The following HHIP variants were observed in gnomAD, a reference collection of about 807,000 sequenced individuals.
HHIP encodes the protein hedgehog-interacting protein.
In HHIP, 12 loss-of-function variants were observed where a neutral mutation model predicts 74.0. The observed-to-expected ratio is 0.16, with a 90% CI of 0.10 to 0.26. The LOEUF is 0.26. Ranked by LOEUF, HHIP falls within the 10% of genes least tolerant of loss-of-function variation. The pLI is 1.00. For synonymous variants in HHIP, 309 were observed against 311.6 expected (o/e 0.99, Z 0.09); for missense variants, 788 against 845.0 (o/e 0.93, Z 0.84).
intron 4 of HHIP, among the ~76,000 whole-genome samples, chr4:144,679,192 T>C (rs1311128218): frequency 1.3e-5 from 2 of 152,220 alleles, no homozygotes; most frequent in Non-Finnish European, 1.5e-5. Flanking sequence ...TTGAGAAGTG[T>C]CTGTTCATAT....
At chr4:144,734,918 G>T in intron 12 of HHIP, 29 bp downstream of exon 12, 1 of 1,580,088 alleles carries the variant, frequency 6.3e-7, no homozygotes, top group South Asian at 1.1e-5. Context: ...ACCTGAAAAG[G>T]ACTGGGGATG....
intron 4 of HHIP, among the ~76,000 whole-genome samples, chr4:144,703,589 A>G (rs1730048614): frequency 6.6e-6 from 1 of 152,154 alleles, no homozygotes; most frequent in African/African-American, 2.4e-5. Flanking sequence ...AAATAGAGTG[A>G]AGAGAAGGGA....
At chr4:144,671,876 T>C (rs1844429) in intron 4 of HHIP, among the ~76,000 whole-genome samples, 54,867 of 151,850 alleles carry the variant, frequency 0.36, 11,267 homozygotes, top group South Asian at 0.52. Flanking sequence ...CTCAGCTACT[T>C]GGGAAGCTGA....
chr4:144,683,650 A>G (rs964677200), intron 4 of HHIP, among the ~76,000 whole-genome samples: 6 of 152,194 alleles, frequency 3.9e-5, no homozygotes, highest in Admixed American at 3.9e-4. Flanking sequence ...AGGCTTGACA[A>G]TCTACGGATT....
At chr4:144,709,796 T>G (rs1417776893) in intron 7 of HHIP, among the ~76,000 whole-genome samples, 1 of 152,144 alleles carries the variant, frequency 6.6e-6, no homozygotes, top group Non-Finnish European at 1.5e-5. Context: ...AGGACAGTGA[T>G]AGATGCACAG....
rs201080251 is a variant in HHIP, at chr4:144,708,355, G to A, written c.1301+44G>A. ...CTTCTCACTGGCTTTTAAGCCAGGC[G>A]GGGATCCGAGAACTGGGAAAATATA... On this transcript the variant is annotated intron_variant, in intron 7 of 12. Coordinates refer to ENST00000296575, the MANE Select transcript of HHIP (RefSeq NM_022475.3). 168 of 1,603,944 alleles carry A rather than the reference G, an allele frequency of 1.0e-4. 1 individual carries two copies. Among genetic ancestry groups the A allele is most frequent in the South Asian group, 9.2e-4 (84 of 90,870 alleles).
intron 4 of HHIP, among the ~76,000 whole-genome samples, chr4:144,675,245 A>C (rs1281786882): frequency 6.6e-6 from 1 of 152,190 alleles, no homozygotes; most frequent in Admixed American, 6.5e-5. Flanking sequence ...TAATTTTGCT[A>C]ATTTGAACTT....
chr4:144,694,159 T>C (rs1315966233), intron 4 of HHIP, among the ~76,000 whole-genome samples: 3 of 151,954 alleles, frequency 2.0e-5, no homozygotes, highest in Non-Finnish European at 4.4e-5. Flanking sequence ...TTAATTGACA[T>C]ATAAATCATG....
chr4:144,697,753 T>C (rs1729860606), intron 4 of HHIP, among the ~76,000 whole-genome samples: 1 of 152,076 alleles, frequency 6.6e-6, no homozygotes, highest in Non-Finnish European at 1.5e-5. Context: ...TAGTTATAAG[T>C]ATATAACTGA....
intron 11 of HHIP, among the ~76,000 whole-genome samples, chr4:144,731,019 C>T (rs1040905638): frequency 7.2e-5 from 11 of 152,128 alleles, no homozygotes; most frequent in African/African-American, 2.7e-4. Flanking sequence ...TAATTATTAT[C>T]AAAATGCATC....
At chr4:144,688,837 T>G (rs1381614808) in intron 4 of HHIP, among the ~76,000 whole-genome samples, 1 of 152,152 alleles carries the variant, frequency 6.6e-6, no homozygotes, top group African/African-American at 2.4e-5. Flanking sequence ...TGTGTCTGGA[T>G]GAAGGCCATA....
At position 144,672,577 on chromosome 4, in the gene HHIP, C is replaced by T. The variant is rs1048527422; in HGVS notation, c.831+12739C>T. On this transcript the variant is annotated intron_variant, in intron 4 of 12. Transcript: ENST00000296575. ...TTGGTGGGAGCATGAAGTATACAGG[C>T]TCTGCTAAGGTCTTTGGCTTCTATA... 4.6e-5 allele frequency among the ~76,000 whole-genome samples: 7 copies of T among 152,038 alleles called. No homozygotes were observed. The East Asian group carries it at 1.2e-3, about 25-fold the overall frequency.
At chr4:144,693,466 T>A (rs940033983) in intron 4 of HHIP, among the ~76,000 whole-genome samples, 3 of 152,134 alleles carry the variant, frequency 2.0e-5, no homozygotes, top group Non-Finnish European at 4.4e-5. Flanking sequence ...TTCATTGAAA[T>A]CTATCCTATT....
At chr4:144,735,900 T>C (rs1044075203) in intron 12 of HHIP, among the ~76,000 whole-genome samples, 1 of 152,148 alleles carries the variant, frequency 6.6e-6, no homozygotes, top group Non-Finnish European at 1.5e-5. Flanking sequence ...ATGTGTGTGA[T>C]TAATACTATG....
intron 1 of HHIP, 109 bp downstream of exon 1, chr4:144,647,063 G>A (rs1468116325): frequency 5.3e-6 from 5 of 936,126 alleles, no homozygotes; most frequent in Non-Finnish European, 8.0e-6. Context: ...CTTCTTTGGG[G>A]GAGTTCTTTC....
intron 11 of HHIP, among the ~76,000 whole-genome samples, chr4:144,721,840 T>C (rs1213669080): frequency 6.6e-6 from 1 of 151,308 alleles, no homozygotes; most frequent in African/African-American, 2.4e-5. Flanking sequence ...GAGGAGGAGG[T>C]TGCAGTGAAT....
At chr4:144,678,033 C>A (rs1729220784) in intron 4 of HHIP, among the ~76,000 whole-genome samples, 1 of 152,102 alleles carries the variant, frequency 6.6e-6, no homozygotes, top group Admixed American at 6.5e-5. Context: ...GAAAATGGCT[C>A]ATCTCCCAAA....
intron 4 of HHIP, among the ~76,000 whole-genome samples, chr4:144,683,094 C>T (rs1043292491): frequency 2.6e-5 from 4 of 152,180 alleles, no homozygotes; most frequent in African/African-American, 9.6e-5. Flanking sequence ...TAGAATAAAG[C>T]TCCATTGTCA....
chr4:144,684,230 G>A (rs376873078), intron 4 of HHIP, among the ~76,000 whole-genome samples: 28 of 74,618 alleles, frequency 3.8e-4, no homozygotes, highest in African/African-American at 5.5e-4. Context: ...AAAAAAAAAA[G>A]AATTTTTTTT....
Sources: gnomAD v4.1 joint callset for allele counts (sites outside exome capture counted in the v4.1 genomes callset) on GRCh38, gnomAD v4.1.1 for gene constraint, MANE v1.5 for transcripts, NCBI Gene and HGNC (gene_info 2026-07-23, HGNC 2026-07-21) for gene names.